Variants in PARD3B observed in about 807,000 individuals in gnomAD.
PARD3B encodes the protein partitioning defective 3 homolog B.
A neutral mutation model predicts 130.2 loss-of-function variants in PARD3B; 103 were observed. The observed-to-expected ratio is 0.79, with a 90% confidence interval of 0.67 to 0.93. The LOEUF is 0.93. PARD3B is among the 40% of genes least tolerant of loss of function. The pLI is 0.00. For missense variants in PARD3B, 1,609 were observed against 1,499.2 expected, an observed-to-expected ratio of 1.07 and a Z score of -1.21; for synonymous variants, 583 against 553.2, an observed-to-expected ratio of 1.05 and a Z score of -0.76.
intron 2 of PARD3B, among the ~76,000 whole-genome samples, chr2:204,763,055 C>T (rs757372583): frequency 5.9e-5 from 9 of 152,156 alleles, no homozygotes; most frequent in African/African-American, 1.2e-4. Flanking sequence ...CCACTGCGCC[C>T]GGCCTTGTTC....
intron 3 of PARD3B, among the ~76,000 whole-genome samples, chr2:204,999,175 A>G (rs368624341): frequency 6.6e-5 from 10 of 151,802 alleles, no homozygotes; most frequent in East Asian, 5.8e-4. Context: ...ATAATTTCCA[A>G]TTGTTGAACT....
At chr2:204,810,155 A>G (rs1313910583) in intron 2 of PARD3B, among the ~76,000 whole-genome samples, 2 of 152,024 alleles carry the variant, frequency 1.3e-5, no homozygotes, top group East Asian at 1.9e-4. Flanking sequence ...CTGAGACTGT[A>G]GAGTTTTCTA....
intron 11 of PARD3B, among the ~76,000 whole-genome samples, chr2:205,162,965 A>G (rs2034592225): frequency 6.6e-6 from 1 of 152,104 alleles, no homozygotes; most frequent in African/African-American, 2.4e-5. Context: ...TTTAGTAAAA[A>G]TTTTTACATC....
At chr2:204,798,851 G>A (rs571580347) in intron 2 of PARD3B, among the ~76,000 whole-genome samples, 26 of 152,188 alleles carry the variant, frequency 1.7e-4, no homozygotes, top group Non-Finnish European at 3.2e-4. Context: ...TTAAGGAGCC[G>A]TTGGTCCTTG....
intron 3 of PARD3B, among the ~76,000 whole-genome samples, chr2:205,013,657 A>G (rs1161678464): frequency 6.6e-6 from 1 of 152,184 alleles, no homozygotes; most frequent in African/African-American, 2.4e-5. Flanking sequence ...ATACATAGGA[A>G]CAGAAACAAA....
intron 2 of PARD3B, among the ~76,000 whole-genome samples, chr2:204,954,560 T>C: frequency 6.6e-6 from 1 of 152,192 alleles, no homozygotes. Context: ...TTCAGGGGAT[T>C]GTGACCTTCT....
At chr2:204,554,185 C>T (rs1044181992) in intron 1 of PARD3B, among the ~76,000 whole-genome samples, 1 of 152,026 alleles carries the variant, frequency 6.6e-6, no homozygotes, top group Admixed American at 6.6e-5. Flanking sequence ...ACTACAGTAC[C>T]CCAGGACTCA....
chr2:205,048,158 A>C (rs1009898422), intron 4 of PARD3B: 1 of 152,444 alleles, frequency 6.6e-6, no homozygotes, highest in East Asian at 1.9e-4. Context: ...CAAGGATATC[A>C]TTATATTTTT....
At chr2:204,847,694 T>C (rs1441506196) in intron 2 of PARD3B, among the ~76,000 whole-genome samples, 2 of 152,164 alleles carry the variant, frequency 1.3e-5, no homozygotes, top group African/African-American at 2.4e-5. Flanking sequence ...TGGTAGTACT[T>C]CAGTGCTTGT....
At chr2:204,612,385 C>A (rs908843437) in intron 1 of PARD3B, among the ~76,000 whole-genome samples, 1 of 152,112 alleles carries the variant, frequency 6.6e-6, no homozygotes, top group Non-Finnish European at 1.5e-5. Flanking sequence ...CTGCGGGTGC[C>A]CAGTTTGTGA....
chr2:205,227,046 A>G (rs2038590629), intron 15 of PARD3B, among the ~76,000 whole-genome samples: 1 of 150,316 alleles, frequency 6.7e-6, no homozygotes, highest in African/African-American at 2.5e-5. Flanking sequence ...TATACTCGAT[A>G]TAATTTCAGG....
intron 18 of PARD3B, among the ~76,000 whole-genome samples, chr2:205,371,194 G>A (rs953211695): frequency 5.3e-5 from 8 of 152,144 alleles, no homozygotes; most frequent in African/African-American, 1.9e-4. Flanking sequence ...AGAGAGAAAT[G>A]AATATTCACT....
chr2:205,373,482 C>A (rs1011694834), intron 18 of PARD3B, among the ~76,000 whole-genome samples: 2 of 152,084 alleles, frequency 1.3e-5, no homozygotes, highest in African/African-American at 4.8e-5. Flanking sequence ...GAAGCAAAGG[C>A]AGAACTATTA....
intron 2 of PARD3B, among the ~76,000 whole-genome samples, chr2:204,786,543 A>G (rs980794091): frequency 2.2e-5 from 3 of 136,320 alleles, no homozygotes; most frequent in African/African-American, 1.0e-4. Context: ...CAATAAGCTT[A>G]ACAATCTGAA....
In PARD3B at chr2:205,584,277, A is replaced by G. The variant is rs2054110928; in HGVS notation, c.3260+30874A>G. 6.6e-6 allele frequency among the ~76,000 whole-genome samples: 1 copy of G among 152,256 alleles called. No homozygotes were observed. The highest frequency in any genetic ancestry group is 2.1e-4 in the South Asian group (1 of 4,832). Reference sequence around the variant, plus strand: ...AGAATATTAAATATAAATTATTTTTATATGGATTACTTGTTGACATTATCA... The same window carrying G: ...AGAATATTAAATATAAATTATTTTTGTATGGATTACTTGTTGACATTATCA... On this transcript the variant is annotated intron_variant, in intron 22 of 22. Coordinates refer to ENST00000406610, the MANE Select transcript of PARD3B (RefSeq NM_001302769.2). This position sits in a 1 kb window ranked among gnomAD's most constrained non-coding sequence, Gnocchi z 5.5.
At chr2:204,804,074 ATAAAT>A (rs2042676926) in intron 2 of PARD3B, among the ~76,000 whole-genome samples, 1 of 152,150 alleles carries the variant, frequency 6.6e-6, no homozygotes, top group Non-Finnish European at 1.5e-5. Flanking sequence ...CAACAAAAAA[ATAAAT>A]TAGCCAGGTG....
chr2:204,879,353 A>T (rs1272128475), intron 2 of PARD3B, among the ~76,000 whole-genome samples: 1 of 152,188 alleles, frequency 6.6e-6, no homozygotes, highest in African/African-American at 2.4e-5. Flanking sequence ...ATTTGGATTT[A>T]TGAAACTGAA....
intron 15 of PARD3B, among the ~76,000 whole-genome samples, chr2:205,240,462 A>T (rs574005521): frequency 6.6e-6 from 1 of 152,336 alleles, no homozygotes; most frequent in Admixed American, 6.5e-5. Context: ...AAATGGAGTT[A>T]TCTATATAAG....
intron 2 of PARD3B, among the ~76,000 whole-genome samples, chr2:204,710,379 C>T (rs1435290871): frequency 6.6e-6 from 1 of 152,148 alleles, no homozygotes; most frequent in Non-Finnish European, 1.5e-5. Flanking sequence ...TGCAGTGATC[C>T]CTTGATGTCT....
Sources: gnomAD v4.1 joint callset for allele counts (sites outside exome capture counted in the v4.1 genomes callset) on GRCh38, gnomAD v4.1.1 for gene constraint, Gnocchi (gnomAD v3.1) non-coding constraint, MANE v1.5 for transcripts, NCBI Gene and HGNC (gene_info 2026-07-23, HGNC 2026-07-21) for gene names.